Variants in UBAC2 observed in about 807,000 individuals in gnomAD.
UBAC2 encodes the protein ubiquitin-associated domain-containing protein 2.
Under a neutral mutation model 44.0 loss-of-function variants are expected in UBAC2, and 26 were observed. That is an observed-to-expected ratio of 0.59 (90% CI 0.43 to 0.82). The LOEUF (loss-of-function observed/expected upper bound fraction) is 0.82, where lower values mean the gene tolerates loss of function less well. Among genes scored for constraint, UBAC2 ranks in the 40% least tolerant of loss-of-function variants. The probability of loss-of-function intolerance (pLI) is 0.00; values close to 1 mark genes in which losing one functional copy is unlikely to be tolerated. For missense variants in UBAC2, 329 were observed against 419.4 expected (o/e 0.78, Z 1.88); for synonymous variants, 155 against 154.3 (o/e 1.00, Z -0.04).
At chr13:99,323,268 C>G (rs922790163) in intron 6 of UBAC2, among the ~76,000 whole-genome samples, 10 of 152,140 alleles carry the variant, frequency 6.6e-5, no homozygotes, top group Admixed American at 5.9e-4. Flanking sequence ...GGATTATTTT[C>G]TAGTAGTTCA....
chr13:99,333,519 T>C (rs2044745797), intron 6 of UBAC2, among the ~76,000 whole-genome samples: 1 of 152,248 alleles, frequency 6.6e-6, no homozygotes, highest in African/African-American at 2.4e-5. Context: ...TACAGTACTA[T>C]GTGCCAGACA....
chr13:99,370,813 G>A (rs1433214316), intron 8 of UBAC2, among the ~76,000 whole-genome samples: 2 of 152,160 alleles, frequency 1.3e-5, no homozygotes, highest in African/African-American at 4.8e-5. Flanking sequence ...ATTAACAGGT[G>A]GAGTATGGAG....
At chr13:99,317,677 T>A (rs1175273490) in intron 5 of UBAC2, among the ~76,000 whole-genome samples, 3 of 152,254 alleles carry the variant, frequency 2.0e-5, no homozygotes, top group Non-Finnish European at 2.9e-5. Context: ...TTGTATGTTG[T>A]TAATTCTAAT....
chr13:99,311,126 C>G (rs1026008091), intron 4 of UBAC2, among the ~76,000 whole-genome samples: 1 of 152,192 alleles, frequency 6.6e-6, no homozygotes, highest in Non-Finnish European at 1.5e-5. Flanking sequence ...CTATGCCAGG[C>G]ACAATTCTAG....
intron 4 of UBAC2, chr13:99,254,814 A>T (rs1373177652): frequency 2.4e-6 from 3 of 1,271,002 alleles, no homozygotes; most frequent in South Asian, 2.8e-5. Flanking sequence ...CAGAATATCC[A>T]TTGACGCCAG....
At chr13:99,264,972 T>G (rs1186813212) in intron 4 of UBAC2, among the ~76,000 whole-genome samples, 4 of 151,880 alleles carry the variant, frequency 2.6e-5, no homozygotes, top group Admixed American at 6.6e-5. Context: ...TCGCTGTTTT[T>G]TTTTTTTTTT....
chr13:99,205,767 G>A (rs944862530), intron 1 of UBAC2: 7 of 164,894 alleles, frequency 4.2e-5, no homozygotes, highest in African/African-American at 2.4e-5. Flanking sequence ...GAGTTGATTC[G>A]GCTGATCTGG....
At chr13:99,338,539 A>G (rs1326772297) in intron 6 of UBAC2, among the ~76,000 whole-genome samples, 2 of 152,214 alleles carry the variant, frequency 1.3e-5, no homozygotes, top group Non-Finnish European at 2.9e-5. Context: ...AGAGTGGTTT[A>G]TAATCACTTG....
chr13:99,268,522 C>T (rs1431294031), intron 4 of UBAC2, among the ~76,000 whole-genome samples: 1 of 149,434 alleles, frequency 6.7e-6, no homozygotes, highest in Non-Finnish European at 1.5e-5. Context: ...GTGGGAGGAT[C>T]ACCTGAGCCT....
intron 1 of UBAC2, among the ~76,000 whole-genome samples, chr13:99,217,275 C>T (rs1414263495): frequency 6.6e-6 from 1 of 152,220 alleles, no homozygotes; most frequent in Non-Finnish European, 1.5e-5. Flanking sequence ...AAGGGCCACT[C>T]AGAAGCCCAA....
At chr13:99,296,239 G>A (rs529402549) in intron 4 of UBAC2, 2 of 1,260,426 alleles carry the variant, frequency 1.6e-6, no homozygotes, top group East Asian at 2.5e-5. Flanking sequence ...TTTTAAAAAA[G>A]TTTAAATAAT....
At chr13:99,362,043 T>C (rs1415675959) in intron 7 of UBAC2, among the ~76,000 whole-genome samples, 1 of 152,208 alleles carries the variant, frequency 6.6e-6, no homozygotes, top group Non-Finnish European at 1.5e-5. Context: ...ACTCGTGTTC[T>C]GAGTATTTTT....
chr13:99,317,394 G>A (rs1447491721), intron 5 of UBAC2, among the ~76,000 whole-genome samples: 2 of 152,004 alleles, frequency 1.3e-5, no homozygotes, highest in Admixed American at 6.6e-5. Context: ...AGATATAAAC[G>A]ATTTGGAAAA....
At position 99,295,775 on chromosome 13, in the gene UBAC2, C is replaced by G. The variant is rs1355160611; in HGVS notation, c.390-18322C>G. ...AGCAATGAAGCGGTCAATACTCAGG[C>G]AGGTCATAAAGTTCACACCTGCATA... On this transcript the variant is annotated intron_variant, in intron 4 of 8. Transcript: ENST00000403766. This position sits in a 1 kb window ranked among gnomAD's most constrained non-coding sequence, Gnocchi z 4.1. The G allele has an allele frequency of 6.2e-7, 1 of 1,613,828 alleles. No homozygotes were observed. Among genetic ancestry groups the G allele is most frequent in the Non-Finnish European group, 8.5e-7 (1 of 1,179,892 alleles).
At chr13:99,325,007 A>G (rs544258534) in intron 6 of UBAC2, among the ~76,000 whole-genome samples, 1 of 152,198 alleles carries the variant, frequency 6.6e-6, no homozygotes, top group Non-Finnish European at 1.5e-5. Flanking sequence ...ATTAAGCAAC[A>G]CATGACTGTA....
chr13:99,318,155 T>C lies in UBAC2; in HGVS notation c.561+86T>C, dbSNP rs954827125. 2.0e-5 allele frequency: 24 copies of C among 1,207,252 alleles called. No homozygotes were observed. The African/African-American group carries it at 4.2e-4, about 21-fold the overall frequency. 74.8% of individuals were successfully genotyped at this position (1,207,252 alleles called of 1,614,324 possible). ...ATTGTCCTATTTAGATTGTGCGTCA[T>C]ATTCAACTGTCTCACCATTCTTTTT... On this transcript the variant is annotated intron_variant, in intron 6 of 8. Transcript: ENST00000403766.
At chr13:99,271,017 T>C (rs2043808667) in intron 4 of UBAC2, among the ~76,000 whole-genome samples, 1 of 152,198 alleles carries the variant, frequency 6.6e-6, no homozygotes, top group Admixed American at 6.5e-5. Flanking sequence ...GTTAAATTAT[T>C]TGTTGAGCAC....
At chr13:99,313,888 A>C (rs1258561192) in intron 4 of UBAC2, among the ~76,000 whole-genome samples, 1 of 152,222 alleles carries the variant, frequency 6.6e-6, no homozygotes, top group Non-Finnish European at 1.5e-5. Flanking sequence ...CAGGAGGGTC[A>C]ATAAGGATAG....
At chr13:99,346,408 A>G (rs1362787489) in intron 7 of UBAC2, among the ~76,000 whole-genome samples, 1 of 152,168 alleles carries the variant, frequency 6.6e-6, no homozygotes, top group Non-Finnish European at 1.5e-5. Flanking sequence ...GGGCCTCTCC[A>G]TAGCTTTCAG....
Sources: allele counts gnomAD v4.1 joint callset (sites outside exome capture counted in the v4.1 genomes callset), GRCh38; gene constraint gnomAD v4.1.1; non-coding constraint Gnocchi (gnomAD v3.1); transcripts MANE v1.5; gene names NCBI Gene and HGNC (gene_info 2026-07-23, HGNC 2026-07-21).